Variants in TMEM87A observed in about 807,000 individuals in gnomAD.
TMEM87A encodes transmembrane protein 87A, also known as Golgi-pH regulating cation channel.
A neutral mutation model predicts 90.0 loss-of-function variants in TMEM87A; 50 were observed. That is an observed-to-expected ratio of 0.56 (90% confidence interval 0.44 to 0.70). The LOEUF (loss-of-function observed/expected upper bound fraction) is 0.70, where lower values mean the gene tolerates loss of function less well. TMEM87A is among the 30% of genes least tolerant of loss of function. TMEM87A has a pLI of 0.00. For synonymous variants in TMEM87A, 226 were observed against 226.7 expected (o/e 1.00, Z 0.03); for missense variants, 577 against 660.5 (o/e 0.87, Z 1.39).
chr15:42,263,621 A>T (rs2051339606), intron 4 of TMEM87A, among the ~76,000 whole-genome samples: 1 of 152,148 alleles, frequency 6.6e-6, no homozygotes, highest in Non-Finnish European at 1.5e-5. Context: ...AATGGTGTGA[A>T]TCTGTAGCCC....
At position 42,220,142 on chromosome 15, in the gene TMEM87A, G is replaced by A; in HGVS notation, c.1404-7C>T. 3.8e-6 allele frequency: 6 copies of A among 1,585,400 alleles called. No individual in the cohort carries two copies. Among genetic ancestry groups the A allele is most frequent in the South Asian group, 1.2e-5 (1 of 84,796 alleles). ...CAATGGTGAAAAGGCAAACCTAACA[G>A]AACCAAAGTGAACAGAAGGAAAAAA... is the stretch of plus-strand genomic sequence containing the variant. On this transcript the variant is annotated splice_polypyrimidine_tract_variant and splice_region_variant and intron_variant, in intron 15 of 19. Coordinates refer to ENST00000389834, the MANE Select transcript of TMEM87A (RefSeq NM_015497.5).
chr15:42,216,957 TTTTC>T (rs2050393635), intron 19 of TMEM87A, among the ~76,000 whole-genome samples: 1 of 148,244 alleles, frequency 6.7e-6, no homozygotes, highest in South Asian at 2.2e-4. Flanking sequence ...ATTCTTTTTC[TTTTC>T]TTTTTTTTTT....
At position 42,243,815 on chromosome 15, in the gene TMEM87A, C is replaced by T. The variant is rs564823094; in HGVS notation, c.622+235G>A. ...GATTACAGGCATGAGCCACCGCGCC[C>T]GGCCAATGTTAATTAATTTAAAATT... On this transcript the variant is annotated intron_variant, in intron 7 of 19. Transcript: ENST00000389834. Among the ~76,000 whole-genome samples, 21 of 152,138 alleles carry T rather than the reference C, an allele frequency of 1.4e-4. 2 individuals are homozygous for T. The South Asian group carries it at 3.3e-3, about 24-fold the overall frequency.
At chr15:42,237,767 A>C (rs530418845) in intron 8 of TMEM87A, 152 bp from the exon 9 acceptor site, 32 of 605,594 alleles carry the variant, frequency 5.3e-5, no homozygotes, top group Middle Eastern at 4.8e-4. Flanking sequence ...GACTCAAGCA[A>C]TCCTCCCATC....
chr15:42,255,554 C>A (rs1007668322), intron 6 of TMEM87A, among the ~76,000 whole-genome samples: 14 of 152,038 alleles, frequency 9.2e-5, no homozygotes, highest in African/African-American at 3.4e-4. Flanking sequence ...TAAGCCACTG[C>A]ACTGCCCTCT....
intron 4 of TMEM87A, among the ~76,000 whole-genome samples, chr15:42,261,680 C>T (rs992686879): frequency 6.7e-6 from 1 of 148,168 alleles, no homozygotes; most frequent in East Asian, 2.0e-4. Context: ...GTTGCACAGA[C>T]TGGAGTGCAG....
At chr15:42,256,432 G>A (rs1278425757) in intron 6 of TMEM87A, among the ~76,000 whole-genome samples, 2 of 152,190 alleles carry the variant, frequency 1.3e-5, no homozygotes, top group Admixed American at 1.3e-4. Context: ...AACCCAGCCT[G>A]TGAATATTCT....
chr15:42,239,955 A>G (rs118191880), intron 7 of TMEM87A, among the ~76,000 whole-genome samples: 9,857 of 152,226 alleles, frequency 0.065, 405 homozygotes, highest in South Asian at 0.16. Context: ...TGCCTCCACC[A>G]TAGTCTGAAG....
At chr15:42,221,393 C>T (rs769815521) in intron 15 of TMEM87A, among the ~76,000 whole-genome samples, 19 of 151,868 alleles carry the variant, frequency 1.3e-4, no homozygotes, top group Non-Finnish European at 2.4e-4. Context: ...AAGTTGCATT[C>T]GTAAGAGTCA....
Position 42,272,012 on chromosome 15 carries a change from C to T in TMEM87A, c.205+51G>A, listed in dbSNP as rs1328136927. 5 of 1,410,294 alleles carry T rather than the reference C, an allele frequency of 3.5e-6. No individual in the cohort carries two copies. In the African/African-American group the frequency reaches 5.9e-5, roughly 17 times the overall value. The allele number at this position is 1,410,294 out of a possible 1,614,324, so 87.4% of individuals were successfully genotyped here. A position where few individuals can be genotyped will look rare whatever the true frequency, so the allele number is the denominator to read the frequency against. ...TAAAATAGGTAATTTAAAACATTAC[C>T]TATAAATTTTTAAAATTCAAATTAA... On this transcript the variant is annotated intron_variant, in intron 2 of 19. Coordinates refer to ENST00000389834, the MANE Select transcript of TMEM87A (RefSeq NM_015497.5).
chr15:42,259,125 G>A (rs1201044495), intron 6 of TMEM87A: 13 of 630,718 alleles, frequency 2.1e-5, no homozygotes, highest in Non-Finnish European at 3.5e-5. Context: ...ACTAGGCAAA[G>A]GGGGTAGGGG....
chr15:42,244,602 T>C (rs530388262), intron 6 of TMEM87A, among the ~76,000 whole-genome samples: 1 of 151,316 alleles, frequency 6.6e-6, no homozygotes, highest in Non-Finnish European at 1.5e-5. Context: ...TCTAATCCCT[T>C]TGTTCAACAT....
intron 8 of TMEM87A, among the ~76,000 whole-genome samples, chr15:42,238,660 G>T (rs1480005565): frequency 6.6e-6 from 1 of 151,830 alleles, no homozygotes; most frequent in African/African-American, 2.4e-5. Context: ...GAGGTGGAGG[G>T]TAGCTTCAGC....
Position 42,220,120 on chromosome 15 carries a change from T to C in TMEM87A, c.1419A>G (p.Pro473=), listed in dbSNP as rs764957568. ...SANNQRFAFS[P]LSEEEEEDEQ... ...CATCCTCCTCCTCTTCCTCAGACAA[T>C]GGTGAAAAGGCAAACCTAACAGAAC... Residue 473 remains proline (P), a synonymous_variant, in exon 16 of 20, where the codon CCA becomes CCG. Coordinates refer to ENST00000389834, the MANE Select transcript of TMEM87A (RefSeq NM_015497.5). The C allele has an allele frequency of 7.5e-6, 12 of 1,606,140 alleles. No homozygotes were observed. In the Admixed American group the frequency reaches 1.4e-4, roughly 18 times the overall value.
intron 4 of TMEM87A, among the ~76,000 whole-genome samples, chr15:42,261,790 TG>T (rs1482175421): frequency 1.3e-5 from 2 of 152,088 alleles, no homozygotes; most frequent in Non-Finnish European, 2.9e-5. Flanking sequence ...CCCGCCACCA[TG>T]CCTGGCTAAT....
At position 42,221,271 on chromosome 15, in the gene TMEM87A, C is replaced by CAG. The variant is rs1208211599; in HGVS notation, c.1404-1138_1404-1137dup. 9.7e-3 allele frequency among the ~76,000 whole-genome samples: 1,084 copies of CAG among 111,868 alleles called. 14 individuals are homozygous for CAG. The highest frequency in any genetic ancestry group is 0.03 in the African/African-American group (1,021 of 33,802). 73.4% of individuals were successfully genotyped at this position (111,868 alleles called of 152,430 possible). A position where few individuals can be genotyped will look rare whatever the true frequency, so the allele number is the denominator to read the frequency against. ...CAAGAAAAGAAAGGAGAGACAGAGA[C>CAG]AGAGAGAGAGAGAGAGAGAGAGAGA... On this transcript the variant is annotated intron_variant, in intron 15 of 19. Transcript: ENST00000389834.
At chr15:42,220,536 G>A (rs1003889592) in intron 15 of TMEM87A, among the ~76,000 whole-genome samples, 6 of 152,156 alleles carry the variant, frequency 3.9e-5, no homozygotes, top group African/African-American at 1.4e-4. Flanking sequence ...TCATTCATAA[G>A]GATATGTATC....
chr15:42,272,209 C>T (rs979926391), intron 1 of TMEM87A, 86 bp from the exon 2 acceptor site: 6 of 965,292 alleles, frequency 6.2e-6, no homozygotes, highest in South Asian at 1.6e-5. Context: ...CTAGAAATTC[C>T]AACTTAACTT....
At chr15:42,219,754 A>C in intron 16 of TMEM87A, 112 bp from the exon 17 acceptor site, 1 of 725,464 alleles carries the variant, frequency 1.4e-6, no homozygotes, top group South Asian at 2.0e-5. Flanking sequence ...AAAGTTACTT[A>C]TCATAGTTTT....
Sources: gnomAD v4.1 joint callset for allele counts (sites outside exome capture counted in the v4.1 genomes callset) on GRCh38, gnomAD v4.1.1 for gene constraint, MANE v1.5 for transcripts, NCBI Gene and HGNC (gene_info 2026-07-23, HGNC 2026-07-21) for gene names.